The following DAB1 variants were observed in gnomAD, a reference collection of about 807,000 sequenced individuals.
DAB1 encodes the protein disabled homolog 1.
In DAB1, 15 loss-of-function variants were observed where a neutral mutation model predicts 64.6. The ratio of observed to expected loss-of-function variants is 0.23; its 90% CI spans 0.16 to 0.36. The LOEUF is 0.36. DAB1 is among the 10% of genes least tolerant of loss of function. DAB1 has a pLI of 1.00. For missense variants in DAB1, 596 were observed against 706.7 expected (o/e 0.84, Z 1.78); for synonymous variants, 235 against 251.9 (o/e 0.93, Z 0.64).
intron 3 of DAB1, among the ~76,000 whole-genome samples, chr1:58,416,451 G>A (rs931259900): frequency 3.3e-5 from 5 of 152,156 alleles, no homozygotes; most frequent in African/African-American, 1.2e-4. Flanking sequence ...TGAGATATGG[G>A]ATGTGATAAA....
chr1:58,107,327 T>C (rs1213767), intron 5 of DAB1, among the ~76,000 whole-genome samples: 47,900 of 147,236 alleles, frequency 0.33, 9,106 homozygotes, highest in African/African-American at 0.51. Flanking sequence ...AAAAAGTAGC[T>C]GGGCGTGGTG....
chr1:58,150,987 C>A (rs986998705), intron 4 of DAB1, among the ~76,000 whole-genome samples: 2 of 152,120 alleles, frequency 1.3e-5, no homozygotes, highest in African/African-American at 4.8e-5. Context: ...ATGGTGGTAT[C>A]CAGCTTCATC....
intron 4 of DAB1, among the ~76,000 whole-genome samples, chr1:58,189,022 T>G (rs1048172862): frequency 2.0e-5 from 3 of 152,194 alleles, no homozygotes; most frequent in Non-Finnish European, 4.4e-5. Context: ...TGCTTGTTGT[T>G]TTTTTACATG....
chr1:57,202,786 C>G (rs953464335), intron 2 of DAB1, among the ~76,000 whole-genome samples: 2 of 152,124 alleles, frequency 1.3e-5, no homozygotes, highest in Non-Finnish European at 2.9e-5. Flanking sequence ...ATGTAATTTC[C>G]CTTCTTTAGT....
chr1:57,577,383 C>A (rs1570643232), intron 7 of DAB1, among the ~76,000 whole-genome samples: 1 of 150,958 alleles, frequency 6.6e-6, no homozygotes, highest in East Asian at 2.0e-4. Flanking sequence ...GACCTCTAAC[C>A]CTCGTGATCT....
intron 1 of DAB1, among the ~76,000 whole-genome samples, chr1:57,844,298 C>A (rs2101919481): frequency 6.6e-6 from 1 of 152,260 alleles, no homozygotes; most frequent in East Asian, 1.9e-4. Context: ...CCTGCTTTTT[C>A]CTCTTTTTAT....
chr1:58,498,219 T>C (rs1251643655), intron 3 of DAB1, among the ~76,000 whole-genome samples: 1 of 151,870 alleles, frequency 6.6e-6, no homozygotes, highest in Non-Finnish European at 1.5e-5. Flanking sequence ...TAAACATTTA[T>C]AATAATGGTA....
chr1:57,175,315 ATT>A (rs35191101), intron 2 of DAB1, among the ~76,000 whole-genome samples: 11,208 of 143,882 alleles, frequency 0.078, 1,142 homozygotes, highest in African/African-American at 0.24. Flanking sequence ...CAGACTTTAA[ATT>A]TTTTTTTTTT....
intron 2 of DAB1, among the ~76,000 whole-genome samples, chr1:58,516,845 C>G (rs1174304357): frequency 2.0e-5 from 3 of 152,154 alleles, no homozygotes; most frequent in African/African-American, 7.2e-5. Context: ...TACAGCTGCC[C>G]AAACCAGCAA....
chr1:57,007,610 G>A (rs1328941774), intron 14 of DAB1, among the ~76,000 whole-genome samples: 1 of 152,160 alleles, frequency 6.6e-6, no homozygotes, highest in Non-Finnish European at 1.5e-5. Flanking sequence ...TGGGGATTGA[G>A]TCCGTCTGTT....
intron 6 of DAB1, among the ~76,000 whole-genome samples, chr1:57,651,964 C>T (rs1179769721): frequency 6.6e-6 from 1 of 152,102 alleles, no homozygotes; most frequent in Non-Finnish European, 1.5e-5. Flanking sequence ...TGGGCTTAAA[C>T]CAAGGTAACT....
At chr1:58,222,834 C>T (rs370972706) in intron 4 of DAB1, among the ~76,000 whole-genome samples, 2 of 152,276 alleles carry the variant, frequency 1.3e-5, no homozygotes, top group South Asian at 2.1e-4. Context: ...GCATATTGTA[C>T]ATAGTACAGT....
chr1:57,814,210 G>A (rs911745400), intron 6 of DAB1, among the ~76,000 whole-genome samples: 3 of 152,170 alleles, frequency 2.0e-5, no homozygotes, highest in Non-Finnish European at 4.4e-5. Flanking sequence ...CCTGAACCCC[G>A]TGTGTCTTTC....
intron 5 of DAB1, among the ~76,000 whole-genome samples, chr1:57,913,847 CTCA>C (rs547192396): frequency 0.033 from 4,988 of 152,264 alleles, 292 homozygotes; most frequent in African/African-American, 0.11. Flanking sequence ...TGAAAAAATG[CTCA>C]TCATCACTGG....
intron 1 of DAB1, among the ~76,000 whole-genome samples, chr1:57,326,347 A>G (rs770671758): frequency 1.3e-5 from 2 of 152,224 alleles, no homozygotes; most frequent in Non-Finnish European, 2.9e-5. Flanking sequence ...AGGGCAAACC[A>G]TGACTTAATC....
chr1:58,220,681 T>A lies in DAB1; in HGVS notation n.310-70093A>T, dbSNP rs77376654. On this transcript the variant is annotated intron_variant and non_coding_transcript_variant, in intron 4 of 20. Transcript: ENST00000485760. The stretch of plus-strand genomic sequence containing the variant: ...GCTATGCAATTTGGGGTAAATCACT[T>A]TGTCCCACTAAACCCATTTCCCCAA... 3.1e-3 allele frequency among the ~76,000 whole-genome samples: 472 copies of A among 152,208 alleles called. 1 individual carries two copies. Among genetic ancestry groups the A allele is most frequent in the African/African-American group, 0.011 (452 of 41,542 alleles).
chr1:57,413,831 A>G (rs1282547459), intron 1 of DAB1, among the ~76,000 whole-genome samples: 1 of 151,976 alleles, frequency 6.6e-6, no homozygotes, highest in Non-Finnish European at 1.5e-5. Flanking sequence ...AAATATCAAC[A>G]TTAATAGGAG....
intron 6 of DAB1, among the ~76,000 whole-genome samples, chr1:57,669,125 A>G (rs1397749779): frequency 6.6e-6 from 1 of 152,094 alleles, no homozygotes; most frequent in Non-Finnish European, 1.5e-5. Flanking sequence ...ACAGAATTTT[A>G]TTCTATATTT....
Position 57,015,397 on chromosome 1 carries a change from G to A in DAB1, c.930C>T (p.Phe310=), listed in dbSNP as rs781254103. 6.2e-7 allele frequency: 1 copy of A among 1,613,712 alleles called. No individual in the cohort carries two copies. The highest frequency in any genetic ancestry group is 8.5e-7 in the Non-Finnish European group (1 of 1,179,874). The change falls in exon 12 of 15, where the codon TTC becomes TTT. Residue 310 remains phenylalanine (F), a synonymous_variant. Coordinates refer to ENST00000371236, the MANE Select transcript of DAB1 (RefSeq NM_001365792.1). ...GTTGGACGAGGGGCTGCTGACCCCA[G>A]AAGGACGGGAGGACAGCGCCCATTG... ...YVAMGAVLPS[F]WGQQPLVQQQ...
Sources: allele counts gnomAD v4.1 joint callset (sites outside exome capture counted in the v4.1 genomes callset), GRCh38; gene constraint gnomAD v4.1.1; transcripts MANE v1.5; gene names NCBI Gene and HGNC (gene_info 2026-07-23, HGNC 2026-07-21).